Variants in MYZAP observed in about 807,000 individuals in gnomAD.
MYZAP encodes GRINL1A complex locus upstream.
Under a neutral mutation model 69.4 loss-of-function variants are expected in MYZAP, and 66 were observed. The observed-to-expected ratio is 0.95, with a 90% CI of 0.78 to 1.17. MYZAP has a LOEUF of 1.17. Among genes scored for constraint, MYZAP ranks in the 50% most tolerant of loss-of-function variants. The pLI is 0.00. For missense variants in MYZAP, 611 were observed against 556.2 expected, an observed-to-expected ratio of 1.10 and a Z score of -0.99; for synonymous variants, 256 against 205.9, an observed-to-expected ratio of 1.24 and a Z score of -2.09.
chr15:57,595,219 G>A (rs1312863450), intron 1 of MYZAP, among the ~76,000 whole-genome samples: 1 of 152,176 alleles, frequency 6.6e-6, no homozygotes, highest in Non-Finnish European at 1.5e-5. Context: ...GGTGGAGAGA[G>A]TAATTTCTGT....
intron 12 of MYZAP, among the ~76,000 whole-genome samples, chr15:57,677,280 T>A (rs1272672148): frequency 6.6e-6 from 1 of 152,212 alleles, no homozygotes; most frequent in Admixed American, 6.5e-5. Context: ...GTTTGTTTTG[T>A]CTGTTGGATT....
In MYZAP at chr15:57,618,064, G is replaced by C. The variant is rs370920807; in HGVS notation, c.194G>C (p.Arg65Thr). 3.7e-6 allele frequency: 6 copies of C among 1,613,756 alleles called. No individual in the cohort carries two copies. Among genetic ancestry groups the C allele is most frequent in the Non-Finnish European group, 5.1e-6 (6 of 1,179,980 alleles). Residue 65 changes from arginine to threonine, a missense_variant, in exon 3 of 13, where the codon AGG becomes ACG. Transcript: ENST00000267853. Reference protein sequence around the residue: ...LLDLSNGEPTRKLPQGVVYGV... With the variant: ...LLDLSNGEPTTKLPQGVVYGV... ...GACCTGAGCAATGGAGAACCTACCA[G>C]GAAACTTCCTCAGGGTGTTGTTTAT...
intron 10 of MYZAP, among the ~76,000 whole-genome samples, chr15:57,656,002 C>T (rs2037993161): frequency 6.6e-6 from 1 of 152,206 alleles, no homozygotes. Context: ...TCATTTACCA[C>T]CACCTGGTGA....
intron 8 of MYZAP, among the ~76,000 whole-genome samples, chr15:57,635,476 T>C (rs1285622088): frequency 6.6e-5 from 10 of 152,216 alleles, no homozygotes; most frequent in Non-Finnish European, 1.3e-4. Context: ...GGAGCCCTCA[T>C]GTGGGATGAA....
At chr15:57,679,615 G>A (rs2039329066) in intron 12 of MYZAP, among the ~76,000 whole-genome samples, 1 of 152,034 alleles carries the variant, frequency 6.6e-6, no homozygotes, top group Admixed American at 6.6e-5. Context: ...TTTCTCTCCT[G>A]GTTCTCCACC....
chr15:57,639,575 G>C (rs375869854), intron 10 of MYZAP, 30 bp downstream of exon 10: 36 of 1,604,888 alleles, frequency 2.2e-5, no homozygotes, highest in Middle Eastern at 1.8e-4. Flanking sequence ...CACAGGCCTG[G>C]GATTGCTTCC....
chr15:57,635,100 A>G (rs2036738189), intron 8 of MYZAP, among the ~76,000 whole-genome samples: 1 of 152,198 alleles, frequency 6.6e-6, no homozygotes, highest in South Asian at 2.1e-4. Flanking sequence ...GGTAGTGGTC[A>G]TGAACATAGG....
intron 3 of MYZAP, among the ~76,000 whole-genome samples, chr15:57,619,832 A>G (rs921628433): frequency 1.3e-5 from 2 of 152,194 alleles, no homozygotes; most frequent in Admixed American, 6.5e-5. Flanking sequence ...CCAGAGTCCC[A>G]CATTGCCCAA....
At chr15:57,617,911 C>T in intron 2 of MYZAP, 122 bp from the exon 3 acceptor site, 3 of 1,329,858 alleles carry the variant, frequency 2.3e-6, no homozygotes, top group East Asian at 2.6e-5. Flanking sequence ...CCTCCATCTC[C>T]ACTGCCAGGC....
chr15:57,613,323 G>C (rs991278032), intron 2 of MYZAP, among the ~76,000 whole-genome samples: 3 of 151,676 alleles, frequency 2.0e-5, no homozygotes, highest in Admixed American at 6.6e-5. Flanking sequence ...TGTTTTTTTA[G>C]TACCAAGTAG....
intron 10 of MYZAP, among the ~76,000 whole-genome samples, chr15:57,657,703 C>T (rs2038075975): frequency 6.6e-6 from 1 of 152,096 alleles, no homozygotes; most frequent in Admixed American, 6.5e-5. Context: ...ATAATGGGAG[C>T]AAGAACATCT....
intron 2 of MYZAP, among the ~76,000 whole-genome samples, chr15:57,609,083 A>T (rs557650839): frequency 6.6e-6 from 1 of 152,204 alleles, no homozygotes; most frequent in Non-Finnish European, 1.5e-5. Flanking sequence ...GTATAGATAT[A>T]TATTTTTGCA....
In MYZAP at chr15:57,654,713, T is replaced by A. The variant is rs548960715; in HGVS notation, c.1120-6737T>A. On this transcript the variant is annotated intron_variant, in intron 10 of 12. Transcript: ENST00000267853. ...CTGTCCTCTGATGTGAAATGGACTG[T>A]GTCCTACATGTTACTAATGGGAAGA... Among the ~76,000 whole-genome samples, 12 of 152,350 alleles carry A rather than the reference T, an allele frequency of 7.9e-5. No homozygotes were observed. In the South Asian group the frequency reaches 2.5e-3, roughly 32 times the overall value.
rs1042458729 is a variant in MYZAP, at chr15:57,613,423, T to A, written c.163-4610T>A. ...TCTTTCTCTGTCGCCCAGGCTGGAG[T>A]ATAGTAGTATGATCACAGCTTACTG... is the stretch of plus-strand genomic sequence containing the variant. On this transcript the variant is annotated intron_variant, in intron 2 of 12. Transcript: ENST00000267853. Among the ~76,000 whole-genome samples the A allele has an allele frequency of 3.9e-5, 6 of 152,010 alleles. No individual in the cohort carries two copies. The East Asian group carries it at 1.2e-3, about 29-fold the overall frequency.
In MYZAP at chr15:57,664,188, A is replaced by G. The variant is rs1326706912; in HGVS notation, c.1203+2655A>G. 2.6e-5 allele frequency among the ~76,000 whole-genome samples: 4 copies of G among 152,174 alleles called. No individual in the cohort carries two copies. In the East Asian group the frequency reaches 7.7e-4, roughly 29 times the overall value. On this transcript the variant is annotated intron_variant, in intron 11 of 12. Coordinates refer to ENST00000267853, the MANE Select transcript of MYZAP (RefSeq NM_001018100.5). The stretch of plus-strand genomic sequence containing the variant: ...TGCAGTCATCTTTGAGATCCAAAAG[A>G]GAAAGGATACCTTCTCTAAATTGCT...
At position 57,592,139 on chromosome 15, in the gene MYZAP, TCCCGTTCCCCCATCCCGGCCGCCCC is replaced by T. The variant is rs1199480513; in HGVS notation, c.75+32_75+56del. 6.8e-5 allele frequency: 88 copies of T among 1,286,330 alleles called. 1 individual carries two copies. In the East Asian group the frequency reaches 2.7e-3, roughly 40 times the overall value. The allele number at this position is 1,286,330 out of a possible 1,614,324, so 79.7% of individuals were successfully genotyped here. A position where few individuals can be genotyped will look rare whatever the true frequency, so the allele number is the denominator to read the frequency against. On this transcript the variant is annotated intron_variant, in intron 1 of 12. Coordinates refer to ENST00000267853, the MANE Select transcript of MYZAP (RefSeq NM_001018100.5). The stretch of plus-strand genomic sequence containing the variant: ...GTAGCGGGGGCGGGAGCCGCCGCCG[TCCCGTTCCCCCATCCCGGCCGCCCC>T]CTCTAGAGGGGACTAGGGATGGGAA...
chr15:57,663,852 A>G (rs1386961484), intron 11 of MYZAP, among the ~76,000 whole-genome samples: 1 of 152,206 alleles, frequency 6.6e-6, no homozygotes, highest in Non-Finnish European at 1.5e-5. Context: ...ATGATTATCA[A>G]TTTGATTGAT....
chr15:57,674,581 CTAGT>C (rs1420896439), intron 11 of MYZAP, among the ~76,000 whole-genome samples: 1 of 152,052 alleles, frequency 6.6e-6, no homozygotes, highest in Non-Finnish European at 1.5e-5. Flanking sequence ...CAATAAGAGA[CTAGT>C]TAAATAAATA....
At position 57,623,271 on chromosome 15, in the gene MYZAP, A is replaced by G. The variant is rs141802638; in HGVS notation, c.411+1571A>G. On this transcript the variant is annotated intron_variant, in intron 4 of 12. Transcript: ENST00000267853. ...TTACTCTTACAGAGAACAATTCAGC[A>G]TTATCGATCAAAATTACAGATGTTT... Among the ~76,000 whole-genome samples the G allele has an allele frequency of 8.0e-3, 1,221 of 152,362 alleles. 11 individuals are homozygous for G. The highest frequency in any genetic ancestry group is 0.045 in the South Asian group (217 of 4,832).
Sources: gnomAD v4.1 joint callset for allele counts (sites outside exome capture counted in the v4.1 genomes callset) on GRCh38, gnomAD v4.1.1 for gene constraint, MANE v1.5 for transcripts, NCBI Gene and HGNC (gene_info 2026-07-23, HGNC 2026-07-21) for gene names.